Variants in CHCHD6 observed in about 807,000 individuals in gnomAD.
The protein encoded by CHCHD6 is coiled-coil-helix-coiled-coil-helix domain containing 6.
A neutral mutation model predicts 32.3 loss-of-function variants in CHCHD6; 28 were observed. The ratio of observed to expected loss-of-function variants is 0.87; its 90% CI spans 0.64 to 1.19. CHCHD6 has a LOEUF of 1.19. CHCHD6 is among the 50% of genes most tolerant of loss of function. CHCHD6 has a pLI of 0.00. For missense variants in CHCHD6, 333 were observed against 307.0 expected (o/e 1.08, Z -0.63); for synonymous variants, 122 against 117.5 (o/e 1.04, Z -0.25).
At chr3:126,938,848 C>T (rs2078519459) in intron 6 of CHCHD6, among the ~76,000 whole-genome samples, 1 of 152,132 alleles carries the variant, frequency 6.6e-6, no homozygotes, top group Admixed American at 6.5e-5. Flanking sequence ...GAAGCTGTTC[C>T]TGCCACCGGC....
At chr3:126,905,500 A>C (rs1016447155) in intron 5 of CHCHD6, among the ~76,000 whole-genome samples, 43 of 151,782 alleles carry the variant, frequency 2.8e-4, no homozygotes, top group African/African-American at 9.9e-4. Flanking sequence ...CAGTGCCAAG[A>C]TTGTTTACTA....
intron 4 of CHCHD6, among the ~76,000 whole-genome samples, chr3:126,751,965 C>T (rs1040347632): frequency 2.6e-5 from 4 of 152,348 alleles, no homozygotes; most frequent in Admixed American, 1.3e-4. Flanking sequence ...GACACGGCCT[C>T]ATGCATAGTA....
chr3:126,907,732 C>G (rs1314220761), intron 5 of CHCHD6, among the ~76,000 whole-genome samples: 1 of 152,194 alleles, frequency 6.6e-6, no homozygotes, highest in Non-Finnish European at 1.5e-5. Context: ...TTACTTGCAT[C>G]ATCAACCCTT....
At chr3:126,800,557 C>G (rs1361606757) in intron 4 of CHCHD6, among the ~76,000 whole-genome samples, 1 of 152,134 alleles carries the variant, frequency 6.6e-6, no homozygotes, top group Non-Finnish European at 1.5e-5. Context: ...CTGTGTGAGA[C>G]ACAGTCAGAT....
intron 4 of CHCHD6, among the ~76,000 whole-genome samples, chr3:126,828,835 C>G (rs973535827): frequency 1.4e-4 from 21 of 152,228 alleles, no homozygotes; most frequent in African/African-American, 5.1e-4. Flanking sequence ...AATGTCCCCC[C>G]TTTCATTCCA....
intron 6 of CHCHD6, among the ~76,000 whole-genome samples, chr3:126,935,514 C>T (rs1293387198): frequency 6.6e-6 from 1 of 152,204 alleles, no homozygotes; most frequent in Admixed American, 6.5e-5. Context: ...CTGGTGAGTG[C>T]AGAGTGGGAT....
At chr3:126,742,855 T>C (rs1936339063) in intron 4 of CHCHD6, among the ~76,000 whole-genome samples, 1 of 152,344 alleles carries the variant, frequency 6.6e-6, no homozygotes, top group East Asian at 1.9e-4. Context: ...TCCTCTGTTA[T>C]AAGCAAGAGA....
intron 6 of CHCHD6, among the ~76,000 whole-genome samples, chr3:126,950,608 G>A (rs2078702537): frequency 6.6e-6 from 1 of 152,262 alleles, no homozygotes; most frequent in African/African-American, 2.4e-5. Flanking sequence ...TCACCACCAT[G>A]CCTGGCTAAT....
At chr3:126,809,825 A>G (rs556501166) in intron 4 of CHCHD6, among the ~76,000 whole-genome samples, 3 of 152,270 alleles carry the variant, frequency 2.0e-5, no homozygotes, top group Admixed American at 6.5e-5. Context: ...TTTCACCATA[A>G]ATTTGATGTT....
chr3:126,760,683 T>C (rs1233014766), intron 4 of CHCHD6, among the ~76,000 whole-genome samples: 1 of 152,256 alleles, frequency 6.6e-6, no homozygotes, highest in Non-Finnish European at 1.5e-5. Context: ...TTCTTTCCTT[T>C]TTAAAGCTAA....
intron 4 of CHCHD6, among the ~76,000 whole-genome samples, chr3:126,769,963 G>A (rs941868862): frequency 6.6e-6 from 1 of 152,140 alleles, no homozygotes; most frequent in African/African-American, 2.4e-5. Context: ...TTGTATCCGT[G>A]AGCATAGAAT....
intron 4 of CHCHD6, among the ~76,000 whole-genome samples, chr3:126,840,863 T>G (rs1941044975): frequency 1.3e-5 from 2 of 151,634 alleles, no homozygotes; most frequent in South Asian, 4.1e-4. Context: ...CATAGAGAAG[T>G]TCTTTTTATT....
chr3:126,808,103 G>C (rs1003469462), intron 4 of CHCHD6, among the ~76,000 whole-genome samples: 2 of 152,176 alleles, frequency 1.3e-5, no homozygotes, highest in African/African-American at 2.4e-5. Flanking sequence ...GATGTTGTTA[G>C]GGCTACGATC....
chr3:126,879,757 G>C (rs1315180974), intron 5 of CHCHD6, among the ~76,000 whole-genome samples: 1 of 152,172 alleles, frequency 6.6e-6, no homozygotes, highest in Non-Finnish European at 1.5e-5. Flanking sequence ...TGTGACAGTT[G>C]TTTTATAAAG....
chr3:126,818,290 C>T (rs745897613), intron 4 of CHCHD6, among the ~76,000 whole-genome samples: 18 of 152,150 alleles, frequency 1.2e-4, no homozygotes, highest in Non-Finnish European at 1.9e-4. Context: ...ACTTTGGCAG[C>T]ATTTGACTTT....
intron 5 of CHCHD6, among the ~76,000 whole-genome samples, chr3:126,865,290 C>T (rs780853535): frequency 4.0e-5 from 6 of 151,650 alleles, no homozygotes; most frequent in Non-Finnish European, 8.8e-5. Context: ...TACTTCCAGC[C>T]ACCTCCATTA....
intron 5 of CHCHD6, among the ~76,000 whole-genome samples, chr3:126,866,957 T>C (rs1189510749): frequency 6.6e-6 from 1 of 152,222 alleles, no homozygotes. Context: ...TGGGGTTTTT[T>C]GTTTGTTTTT....
At chr3:126,907,236 A>G (rs2078020744) in intron 5 of CHCHD6, among the ~76,000 whole-genome samples, 1 of 152,172 alleles carries the variant, frequency 6.6e-6, no homozygotes, top group Non-Finnish European at 1.5e-5. Flanking sequence ...GAATCTCTTT[A>G]GGGTCTCTGC....
At chr3:126,724,760 C>G (rs988123688) in intron 1 of CHCHD6, among the ~76,000 whole-genome samples, 1 of 152,244 alleles carries the variant, frequency 6.6e-6, no homozygotes, top group Non-Finnish European at 1.5e-5. Context: ...TGATCCTATT[C>G]TAAATCCTTT....
Sources: gnomAD v4.1 joint callset for allele counts (sites outside exome capture counted in the v4.1 genomes callset) on GRCh38, gnomAD v4.1.1 for gene constraint, MANE v1.5 for transcripts, NCBI Gene and HGNC (gene_info 2026-07-23, HGNC 2026-07-21) for gene names.